PRKCE: variants seen among roughly 807,000 people sequenced by gnomAD.
PRKCE encodes protein kinase C epsilon, also known as protein kinase C epsilon type.
PRKCE carries 16 observed loss-of-function variants against 85.4 expected under a neutral mutation model. That is an observed-to-expected ratio of 0.19 (90% confidence interval 0.13 to 0.28). The LOEUF is 0.28. Ranked by LOEUF, PRKCE falls within the 10% of genes least tolerant of loss-of-function variation. The pLI is 1.00. For missense variants in PRKCE, 573 were observed against 975.2 expected (o/e 0.59, Z 5.49); for synonymous variants, 388 against 371.5 (o/e 1.04, Z -0.51).
chr2:45,705,160 G>A (rs1679004919), intron 1 of PRKCE, among the ~76,000 whole-genome samples: 1 of 152,242 alleles, frequency 6.6e-6, no homozygotes, highest in Non-Finnish European at 1.5e-5. Context: ...TTGTGGGCAT[G>A]TCTTTTACCA....
At chr2:45,837,926 T>C (rs1167841642) in intron 1 of PRKCE, among the ~76,000 whole-genome samples, 2 of 152,130 alleles carry the variant, frequency 1.3e-5, no homozygotes, top group African/African-American at 4.8e-5. Flanking sequence ...TTGTGAGAAA[T>C]GAATAAATGA....
rs368585997 is a variant in PRKCE at position 45,729,173 on chromosome 2, C to T, written c.348+76725C>T. On this transcript the variant is annotated intron_variant, in intron 1 of 14. Coordinates refer to ENST00000306156, the MANE Select transcript of PRKCE (RefSeq NM_005400.3). ...GAACAGAGGCATTGTCCTTGGGACC[C>T]GAAGGAGCTGATACCACGTCACTTA... is the stretch of plus-strand genomic sequence containing the variant. Among the ~76,000 whole-genome samples, 81 of 152,262 alleles carry T rather than the reference C, an allele frequency of 5.3e-4. No individual in the cohort carries two copies. In the South Asian group the frequency reaches 0.013, roughly 25 times the overall value.
intron 1 of PRKCE, among the ~76,000 whole-genome samples, chr2:45,673,816 C>G (rs2103854003): frequency 6.6e-6 from 1 of 152,276 alleles, no homozygotes; most frequent in African/African-American, 2.4e-5. Flanking sequence ...CTTGTTCTGT[C>G]TTTAGTGAGT....
intron 1 of PRKCE, among the ~76,000 whole-genome samples, chr2:45,662,128 C>T (rs971988439): frequency 2.0e-5 from 3 of 152,090 alleles, no homozygotes; most frequent in Non-Finnish European, 4.4e-5. Context: ...TCATTTGGTA[C>T]AGTGCTGAAA....
rs1167934021 is a variant in PRKCE, at chr2:45,907,017, G to T, written c.412+63954G>T. Among the ~76,000 whole-genome samples the T allele has an allele frequency of 2.6e-5, 4 of 152,174 alleles. No individual in the cohort carries two copies. Among genetic ancestry groups the T allele is most frequent in the Admixed American group, 1.3e-4 (2 of 15,284 alleles). ...GTGTCTCCCCATAATCCCCTGCAGG[G>T]ACCAGGCTGGATGGGGCCCCAGTTG... On this transcript the variant is annotated intron_variant, in intron 2 of 14. Transcript: ENST00000306156. This position sits in a 1 kb window ranked among gnomAD's most constrained non-coding sequence, Gnocchi z 4.5.
chr2:45,866,124 G>T (rs116589757), intron 2 of PRKCE, among the ~76,000 whole-genome samples: 1 of 151,464 alleles, frequency 6.6e-6, no homozygotes, highest in African/African-American at 2.4e-5. Flanking sequence ...CCAGCAGTTC[G>T]TTTTCTTTAT....
At chr2:46,120,065 A>T (rs957837198) in intron 11 of PRKCE, among the ~76,000 whole-genome samples, 1 of 152,216 alleles carries the variant, frequency 6.6e-6, no homozygotes. Flanking sequence ...AGATGCTGTC[A>T]TTCTGGGACT....
chr2:45,817,070 T>A (rs1389213526), intron 1 of PRKCE, among the ~76,000 whole-genome samples: 3 of 96,404 alleles, frequency 3.1e-5, no homozygotes, highest in Non-Finnish European at 6.7e-5. Context: ...AAGTAGAGTG[T>A]GTGTGTGTGT....
At chr2:46,090,306 T>C (rs2345952) in intron 11 of PRKCE, among the ~76,000 whole-genome samples, 88,019 of 151,444 alleles carry the variant, frequency 0.58, 27,430 homozygotes, top group Non-Finnish European at 0.71. Flanking sequence ...CAGGACCTCT[T>C]CAAGCACTCC....
At chr2:45,946,273 G>C (rs951171415) in intron 2 of PRKCE, among the ~76,000 whole-genome samples, 14 of 152,236 alleles carry the variant, frequency 9.2e-5, no homozygotes, top group African/African-American at 3.4e-4. Context: ...ATGACTAACA[G>C]TGCAGTGAGG....
chr2:46,015,691 CAAAAAAAAAAAA>C (rs749060776), intron 10 of PRKCE, among the ~76,000 whole-genome samples: 1 of 80,800 alleles, frequency 1.2e-5, no homozygotes, highest in Non-Finnish European at 2.5e-5. Context: ...AACACTAAAC[CAAAAAAAAAAAA>C]AAAAAAAAAA....
At chr2:45,931,375 A>G (rs1573923082) in intron 2 of PRKCE, among the ~76,000 whole-genome samples, 1 of 152,236 alleles carries the variant, frequency 6.6e-6, no homozygotes, top group Non-Finnish European at 1.5e-5. Context: ...AGACATTTAA[A>G]TAACAAAACA....
At chr2:45,729,627 G>A (rs1224766865) in intron 1 of PRKCE, among the ~76,000 whole-genome samples, 1 of 152,172 alleles carries the variant, frequency 6.6e-6, no homozygotes, top group Non-Finnish European at 1.5e-5. Flanking sequence ...TGCATACTCA[G>A]GAATACAGCT....
intron 2 of PRKCE, among the ~76,000 whole-genome samples, chr2:45,944,802 A>G (rs1398907055): frequency 6.6e-6 from 1 of 151,496 alleles, no homozygotes; most frequent in East Asian, 1.9e-4. Flanking sequence ...GTGCTGGGCA[A>G]TCCTCAATTT....
intron 2 of PRKCE, among the ~76,000 whole-genome samples, chr2:45,957,570 C>G (rs1701054218): frequency 6.6e-6 from 1 of 152,170 alleles, no homozygotes; most frequent in African/African-American, 2.4e-5. Context: ...AAGTTGATCA[C>G]TCTTAGGCAA....
chr2:45,838,118 G>C (rs1190913587), intron 1 of PRKCE, among the ~76,000 whole-genome samples: 1 of 152,212 alleles, frequency 6.6e-6, no homozygotes, highest in African/African-American at 2.4e-5. Flanking sequence ...AGCACCATGG[G>C]GTGGTCAAGG....
chr2:45,775,059 G>A (rs554313838), intron 1 of PRKCE, among the ~76,000 whole-genome samples: 6 of 152,300 alleles, frequency 3.9e-5, no homozygotes, highest in African/African-American at 1.4e-4. Context: ...GGTTCCCAAG[G>A]GGGGCCTTGA....
intron 10 of PRKCE, among the ~76,000 whole-genome samples, chr2:46,034,694 C>T (rs764165417): frequency 5.3e-5 from 8 of 152,294 alleles, no homozygotes; most frequent in African/African-American, 7.2e-5. Context: ...GAACCCAGGG[C>T]GGGGATCCTG....
chr2:45,924,190 G>T, intron 2 of PRKCE, among the ~76,000 whole-genome samples: 1 of 152,174 alleles, frequency 6.6e-6, no homozygotes, highest in South Asian at 2.1e-4. Context: ...CAATGGAATT[G>T]GCTGTTCGTT....
Sources: allele counts gnomAD v4.1 joint callset (sites outside exome capture counted in the v4.1 genomes callset), GRCh38; gene constraint gnomAD v4.1.1; non-coding constraint Gnocchi (gnomAD v3.1); transcripts MANE v1.5; gene names NCBI Gene and HGNC (gene_info 2026-07-23, HGNC 2026-07-21).